The following NR1H4 variants were observed in gnomAD, a reference collection of about 807,000 sequenced individuals.
NR1H4 encodes bile acid receptor.
In NR1H4, 23 loss-of-function variants were observed where a neutral mutation model predicts 58.5. That is an observed-to-expected ratio of 0.39 (90% CI 0.28 to 0.56). The LOEUF (loss-of-function observed/expected upper bound fraction) is 0.56, where lower values mean the gene tolerates loss of function less well. Ranked by LOEUF, NR1H4 falls within the 20% of genes least tolerant of loss-of-function variation. NR1H4 has a pLI of 0.58. For synonymous variants in NR1H4, 214 were observed against 198.0 expected (o/e 1.08, Z -0.68); for missense variants, 487 against 576.9 (o/e 0.84, Z 1.60).
chr12:100,496,434 C>A (rs905229928), intron 3 of NR1H4, among the ~76,000 whole-genome samples: 3 of 151,962 alleles, frequency 2.0e-5, no homozygotes, highest in African/African-American at 7.3e-5. Flanking sequence ...CGGGAGGAGA[C>A]AATAACAAGT....
At chr12:100,549,006 A>G (rs929518920) in intron 9 of NR1H4, among the ~76,000 whole-genome samples, 2 of 152,000 alleles carry the variant, frequency 1.3e-5, no homozygotes, top group African/African-American at 4.8e-5. Flanking sequence ...AGTTGACTTC[A>G]TCTTCTTGGT....
At chr12:100,509,604 T>C (rs891661112) in intron 3 of NR1H4, among the ~76,000 whole-genome samples, 6 of 152,212 alleles carry the variant, frequency 3.9e-5, no homozygotes, top group African/African-American at 9.6e-5. Context: ...CTCTGTTTTA[T>C]TAGAAGAAGA....
At chr12:100,553,438 A>T (rs1212814900) in intron 9 of NR1H4, among the ~76,000 whole-genome samples, 1 of 152,204 alleles carries the variant, frequency 6.6e-6, no homozygotes, top group Non-Finnish European at 1.5e-5. Flanking sequence ...AAAGCTCCAT[A>T]GAGGAAGCAA....
At chr12:100,539,548 C>T (rs1478802874) in intron 8 of NR1H4, among the ~76,000 whole-genome samples, 1 of 152,156 alleles carries the variant, frequency 6.6e-6, no homozygotes, top group African/African-American at 2.4e-5. Flanking sequence ...GCCATTTAGG[C>T]CCTGATGGTG....
chr12:100,546,681 T>A (rs539169785), intron 9 of NR1H4, among the ~76,000 whole-genome samples: 1 of 151,682 alleles, frequency 6.6e-6, no homozygotes, highest in Non-Finnish European at 1.5e-5. Flanking sequence ...GGTGACAGAG[T>A]GAGACTCTGT....
At chr12:100,520,924 C>T (rs1954400415) in intron 4 of NR1H4, among the ~76,000 whole-genome samples, 1 of 152,094 alleles carries the variant, frequency 6.6e-6, no homozygotes, top group Non-Finnish European at 1.5e-5. Flanking sequence ...ATTCTTAAGA[C>T]CGTGCAATAT....
rs1953938879 is a variant in NR1H4, at chr12:100,505,518, G to A, written c.80-5260G>A. 9 of 689,410 alleles carry A rather than the reference G, an allele frequency of 1.3e-5. No individual in the cohort carries two copies. In the South Asian group the frequency reaches 1.4e-4, roughly 11 times the overall value. The allele number at this position is 689,410 out of a possible 1,614,324, so 42.7% of individuals were successfully genotyped here. A position where few individuals can be genotyped will look rare whatever the true frequency, so the allele number is the denominator to read the frequency against. ...AGCTCCCTCAGATGGCACTCCTTTA[G>A]AGAAGGTGTTGAAACCTGGAGACTG... On this transcript the variant is annotated intron_variant, in intron 3 of 10. Coordinates refer to ENST00000392986, the MANE Select transcript of NR1H4 (RefSeq NM_001206979.2).
At chr12:100,489,603 C>T (rs538918518) in intron 1 of NR1H4, among the ~76,000 whole-genome samples, 3 of 152,092 alleles carry the variant, frequency 2.0e-5, no homozygotes, top group Admixed American at 6.5e-5. Flanking sequence ...AACAGGCAGC[C>T]GACCGGATTT....
At chr12:100,501,496 A>G (rs2136125042) in intron 3 of NR1H4, among the ~76,000 whole-genome samples, 1 of 152,300 alleles carries the variant, frequency 6.6e-6, no homozygotes, top group African/African-American at 2.4e-5. Context: ...CCTGGGTTAA[A>G]GTCCCAGCTT....
At chr12:100,561,307 A>G (rs1311901891) in intron 9 of NR1H4, among the ~76,000 whole-genome samples, 1 of 152,192 alleles carries the variant, frequency 6.6e-6, no homozygotes, top group Admixed American at 6.5e-5. Context: ...CTGAGGCAGG[A>G]GAATGGCGGG....
At chr12:100,479,184 CTTTG>C (rs1252209487) in intron 1 of NR1H4, among the ~76,000 whole-genome samples, 1 of 151,870 alleles carries the variant, frequency 6.6e-6, no homozygotes, top group Non-Finnish European at 1.5e-5. Context: ...ATATATTTAG[CTTTG>C]TTTGTGATGC....
At chr12:100,535,366 A>G (rs1954791459) in intron 6 of NR1H4, among the ~76,000 whole-genome samples, 1 of 152,230 alleles carries the variant, frequency 6.6e-6, no homozygotes, top group South Asian at 2.1e-4. Flanking sequence ...CAAACTGGGA[A>G]GAACATGGTC....
chr12:100,535,718 A>G (rs1179595338), intron 6 of NR1H4, among the ~76,000 whole-genome samples: 1 of 152,254 alleles, frequency 6.6e-6, no homozygotes, highest in Non-Finnish European at 1.5e-5. Flanking sequence ...TTATTTAAGA[A>G]AAAGTATTTT....
At chr12:100,538,698 C>T (rs1483417943) in intron 8 of NR1H4, among the ~76,000 whole-genome samples, 5 of 152,282 alleles carry the variant, frequency 3.3e-5, no homozygotes, top group African/African-American at 9.6e-5. Flanking sequence ...TAGAAGATAA[C>T]TTCTGACATA....
intron 4 of NR1H4, among the ~76,000 whole-genome samples, chr12:100,511,619 T>A (rs936674209): frequency 2.0e-5 from 3 of 151,574 alleles, no homozygotes; most frequent in Non-Finnish European, 4.4e-5. Flanking sequence ...AATAATAGCT[T>A]ATATTACAAA....
At chr12:100,477,705 G>T (rs1953300053) in intron 1 of NR1H4, among the ~76,000 whole-genome samples, 1 of 152,194 alleles carries the variant, frequency 6.6e-6, no homozygotes, top group Non-Finnish European at 1.5e-5. Flanking sequence ...AGAGCTATTT[G>T]CTGCCATGTC....
intron 4 of NR1H4, among the ~76,000 whole-genome samples, chr12:100,519,107 G>T (rs1442872652): frequency 6.6e-6 from 1 of 152,060 alleles, no homozygotes; most frequent in African/African-American, 2.4e-5. Flanking sequence ...GACTCTTAAG[G>T]GTTGGTGTAC....
intron 1 of NR1H4, among the ~76,000 whole-genome samples, chr12:100,483,262 T>A (rs912778319): frequency 6.6e-6 from 1 of 152,172 alleles, no homozygotes; most frequent in African/African-American, 2.4e-5. Flanking sequence ...TATTTCTTGC[T>A]GCTAATGGGC....
intron 4 of NR1H4, among the ~76,000 whole-genome samples, chr12:100,516,860 TATTA>T (rs1384893316): frequency 6.6e-6 from 1 of 152,214 alleles, no homozygotes; most frequent in Non-Finnish European, 1.5e-5. Flanking sequence ...GTAATACACT[TATTA>T]ATTCTCATAT....
Sources: allele counts gnomAD v4.1 joint callset (sites outside exome capture counted in the v4.1 genomes callset), GRCh38; gene constraint gnomAD v4.1.1; transcripts MANE v1.5; gene names NCBI Gene and HGNC (gene_info 2026-07-23, HGNC 2026-07-21).